Variants in DAB1 observed in about 807,000 individuals in gnomAD.
DAB1 encodes DAB adaptor protein 1, also known as disabled homolog 1.
DAB1 carries 15 observed loss-of-function variants against 64.6 expected under a neutral mutation model. The ratio of observed to expected loss-of-function variants is 0.23; its 90% CI spans 0.16 to 0.36. The LOEUF (loss-of-function observed/expected upper bound fraction) is 0.36. Ranked by LOEUF, DAB1 falls within the 10% of genes least tolerant of loss-of-function variation. DAB1 has a pLI of 1.00. For missense variants in DAB1, 596 were observed against 706.7 expected (o/e 0.84, Z 1.78); for synonymous variants, 235 against 251.9 (o/e 0.93, Z 0.64).
At chr1:57,023,150 T>C (rs186700620) in intron 11 of DAB1, among the ~76,000 whole-genome samples, 21 of 152,286 alleles carry the variant, frequency 1.4e-4, no homozygotes, top group Non-Finnish European at 2.6e-4. Context: ...ATCCATCAGG[T>C]CTCAAGAAGT....
intron 6 of DAB1, among the ~76,000 whole-genome samples, chr1:57,728,111 A>G (rs1008660356): frequency 5.3e-4 from 80 of 152,190 alleles, no homozygotes; most frequent in Non-Finnish European, 5.9e-5. Flanking sequence ...GACACTTTAG[A>G]AAACCCTGAC....
chr1:57,174,782 A>G (rs1662127224), intron 2 of DAB1, among the ~76,000 whole-genome samples: 1 of 152,120 alleles, frequency 6.6e-6, no homozygotes, highest in African/African-American at 2.4e-5. Flanking sequence ...TGTTTCAATC[A>G]AAAACCTATG....
intron 7 of DAB1, among the ~76,000 whole-genome samples, chr1:57,629,816 A>G (rs1399951167): frequency 6.6e-6 from 1 of 151,418 alleles, no homozygotes; most frequent in Non-Finnish European, 1.5e-5. Context: ...GCAAAGAGAT[A>G]TTGTCATAGC....
upstream of DAB1, among the ~76,000 whole-genome samples, chr1:57,885,338 A>G (rs1644206038): frequency 6.6e-6 from 1 of 152,240 alleles, no homozygotes; most frequent in Non-Finnish European, 1.5e-5. Context: ...GACCACAGCT[A>G]TGAAGGGCAG....
intron 7 of DAB1, among the ~76,000 whole-genome samples, chr1:57,569,114 C>T (rs1418923497): frequency 5.3e-5 from 8 of 149,998 alleles, no homozygotes; most frequent in African/African-American, 1.5e-4. Flanking sequence ...AAAAATTAGC[C>T]GGGCGAGATG....
intron 4 of DAB1, among the ~76,000 whole-genome samples, chr1:57,079,611 C>T (rs1652298997): frequency 6.6e-6 from 1 of 152,142 alleles, no homozygotes; most frequent in African/African-American, 2.4e-5. Context: ...AAATACTTGC[C>T]AGGGCCTGCA....
intron 6 of DAB1, among the ~76,000 whole-genome samples, chr1:57,759,549 G>T (rs924794171): frequency 3.3e-5 from 5 of 152,166 alleles, no homozygotes; most frequent in African/African-American, 4.8e-5. Context: ...ATAGACCTAT[G>T]CAGTGCCCAC....
In DAB1 at chr1:58,185,553, G is replaced by GGTTTT. The variant is rs377555169; in HGVS notation, n.310-34970_310-34966dup. ...ATGCTGATTCCTGAAGCCTACCATAGGTTTTGTTTTGTTTTGTTTTGTTTT... is the reference window on the plus strand; with the variant it reads ...ATGCTGATTCCTGAAGCCTACCATAGGTTTTGTTTTGTTTTGTTTTGTTTTGTTTT... On this transcript the variant is annotated intron_variant and non_coding_transcript_variant, in intron 4 of 20. Transcript: ENST00000485760. 2.6e-4 allele frequency among the ~76,000 whole-genome samples: 40 copies of GGTTTT among 152,132 alleles called. 1 individual carries two copies. The highest frequency in any genetic ancestry group is 1.4e-3 in the East Asian group (7 of 5,162).
intron 5 of DAB1, among the ~76,000 whole-genome samples, chr1:58,059,621 A>G (rs1648364424): frequency 2.0e-5 from 3 of 152,248 alleles, no homozygotes; most frequent in Admixed American, 2.0e-4. Flanking sequence ...GGGGGCTACA[A>G]AGGAAAATAA....
chr1:57,204,607 T>C (rs1181776352), intron 2 of DAB1, among the ~76,000 whole-genome samples: 3 of 152,198 alleles, frequency 2.0e-5, no homozygotes, highest in Non-Finnish European at 2.9e-5. Context: ...ATGTATTCAA[T>C]AGCATGAACT....
chr1:57,324,809 C>A (rs1676019582), intron 1 of DAB1, among the ~76,000 whole-genome samples: 1 of 152,144 alleles, frequency 6.6e-6, no homozygotes. Context: ...CTTTAAGACA[C>A]TGCTCCATCC....
chr1:57,583,345 G>A (rs1415817072), intron 7 of DAB1, among the ~76,000 whole-genome samples: 2 of 148,632 alleles, frequency 1.3e-5, no homozygotes, highest in Non-Finnish European at 3.0e-5. Flanking sequence ...GGAGTGCAGT[G>A]GTGCGATCTC....
At chr1:57,650,589 C>T (rs1006405241) in intron 6 of DAB1, among the ~76,000 whole-genome samples, 3 of 152,128 alleles carry the variant, frequency 2.0e-5, no homozygotes, top group African/African-American at 4.8e-5. Context: ...AGCTCATCCA[C>T]GGGTTGGTCC....
At chr1:57,910,815 T>C (rs571960045) in intron 5 of DAB1, among the ~76,000 whole-genome samples, 1 of 152,336 alleles carries the variant, frequency 6.6e-6, no homozygotes, top group African/African-American at 2.4e-5. Flanking sequence ...GTAGCAGGAA[T>C]GAAGGCCAAC....
intron 6 of DAB1, among the ~76,000 whole-genome samples, chr1:57,769,847 T>C (rs1649480329): frequency 6.6e-6 from 1 of 152,188 alleles, no homozygotes. Flanking sequence ...AGTGCTCTGC[T>C]GCATGGCACA....
chr1:58,098,962 G>A (rs566715365), intron 5 of DAB1, among the ~76,000 whole-genome samples: 1 of 152,210 alleles, frequency 6.6e-6, no homozygotes, highest in Non-Finnish European at 1.5e-5. Context: ...GTGGCACAGA[G>A]CCAGGTGGAG....
chr1:58,253,456 T>C (rs1196778931), intron 4 of DAB1, among the ~76,000 whole-genome samples: 1 of 152,170 alleles, frequency 6.6e-6, no homozygotes, highest in Non-Finnish European at 1.5e-5. Context: ...CAAAAAAGTG[T>C]GTCACTGAAT....
At chr1:58,536,185 TA>T (rs1294206519) in intron 1 of DAB1, among the ~76,000 whole-genome samples, 1 of 152,148 alleles carries the variant, frequency 6.6e-6, no homozygotes, top group East Asian at 1.9e-4. Context: ...AGCTGGTTCA[TA>T]ATTCAGTCGG....
chr1:57,140,818 C>A (rs1658522855), intron 3 of DAB1, among the ~76,000 whole-genome samples: 1 of 152,028 alleles, frequency 6.6e-6, no homozygotes, highest in African/African-American at 2.4e-5. Context: ...AAGGGAGTCA[C>A]AAGTAGGCAG....
Sources: gnomAD v4.1 joint callset for allele counts (sites outside exome capture counted in the v4.1 genomes callset) on GRCh38, gnomAD v4.1.1 for gene constraint, MANE v1.5 for transcripts, NCBI Gene and HGNC (gene_info 2026-07-23, HGNC 2026-07-21) for gene names.